The following IL15 variants were observed in gnomAD, a reference collection of about 807,000 sequenced individuals.
IL15 encodes interleukin 15.
A neutral mutation model predicts 19.6 loss-of-function variants in IL15; 11 were observed. The observed-to-expected ratio is 0.56, with a 90% CI of 0.35 to 0.93. The LOEUF is 0.93. Among genes scored for constraint, IL15 ranks in the 40% least tolerant of loss-of-function variants. The probability of loss-of-function intolerance (pLI) is 0.01; values close to 1 mark genes in which losing one functional copy is unlikely to be tolerated. For missense variants in IL15, 197 were observed against 186.5 expected (o/e 1.06, Z -0.33); for synonymous variants, 58 against 59.6 (o/e 0.97, Z 0.12).
At chr4:141,641,871 C>T (rs912994612) in intron 1 of IL15, among the ~76,000 whole-genome samples, 5 of 148,722 alleles carry the variant, frequency 3.4e-5, no homozygotes, top group African/African-American at 9.9e-5. Flanking sequence ...ATGTGGTTTT[C>T]GAGCTTCTAG....
chr4:141,653,746 T>A lies in IL15; in HGVS notation c.-221-2440T>A, dbSNP rs575866134. Among the ~76,000 whole-genome samples the A allele has an allele frequency of 2.4e-4, 37 of 152,320 alleles. No homozygotes were observed. In the South Asian group the frequency reaches 7.0e-3, roughly 29 times the overall value. ...TGATGGACATTTAGGTTTTTTCCAT[T>A]CTTTTGCTATTACAGGAAATATTCA... On this transcript the variant is annotated intron_variant, in intron 1 of 7. Coordinates refer to ENST00000320650, the MANE Select transcript of IL15 (RefSeq NM_000585.5).
chr4:141,708,073 G>C (rs1460596717), intron 2 of IL15, among the ~76,000 whole-genome samples: 1 of 152,220 alleles, frequency 6.6e-6, no homozygotes, highest in African/African-American at 2.4e-5. Flanking sequence ...CATGGGAGTA[G>C]GTTGCCACAT....
At chr4:141,678,801 C>T (rs930687757) in intron 2 of IL15, among the ~76,000 whole-genome samples, 6 of 152,172 alleles carry the variant, frequency 3.9e-5, no homozygotes, top group Non-Finnish European at 4.4e-5. Context: ...AGGGTTTCTC[C>T]GTGTTGGCCA....
In IL15 at chr4:141,732,801, T is replaced by G; in HGVS notation, c.442T>G (p.Leu148Val). Reference protein sequence around the residue: ...ELEEKNIKEFLQSFVHIVQMF... With the variant: ...ELEEKNIKEFVQSFVHIVQMF... ...GGAGGAAAAAAATATTAAAGAATTT[T>G]TGCAGAGTTTTGTACATATTGTCCA... Residue 148 changes from leucine (L) to valine (V), a missense_variant, in exon 8 of 8, where the codon TTG becomes GTG. Coordinates refer to ENST00000320650, the MANE Select transcript of IL15 (RefSeq NM_000585.5). The G allele has an allele frequency of 6.2e-7, 1 of 1,612,852 alleles. No individual in the cohort carries two copies. The highest frequency in any genetic ancestry group is 1.1e-5 in the South Asian group (1 of 90,624).
At chr4:141,661,124 G>A (rs191995773) in intron 2 of IL15, among the ~76,000 whole-genome samples, 12 of 152,272 alleles carry the variant, frequency 7.9e-5, no homozygotes, top group Non-Finnish European at 1.6e-4. Flanking sequence ...CAGAGACAGT[G>A]AGTAACCATA....
At chr4:141,644,401 T>C (rs1727152308) in intron 1 of IL15, among the ~76,000 whole-genome samples, 1 of 152,188 alleles carries the variant, frequency 6.6e-6, no homozygotes, top group African/African-American at 2.4e-5. Context: ...CCTAGGCTGC[T>C]GGAGATGAGA....
chr4:141,731,971 G>C (rs1730466916), intron 7 of IL15, among the ~76,000 whole-genome samples: 1 of 152,110 alleles, frequency 6.6e-6, no homozygotes, highest in African/African-American at 2.4e-5. Flanking sequence ...TCAACCAATG[G>C]GTGATTACAG....
In IL15 at chr4:141,732,824, C is replaced by T; in HGVS notation, c.465C>T (p.Val155=). 6.2e-7 allele frequency: 1 copy of T among 1,609,360 alleles called. No individual in the cohort carries two copies. The highest frequency in any genetic ancestry group is 2.2e-5 in the East Asian group (1 of 44,606). ...KEFLQSFVHI[V]QMFINTS ...TTTTGCAGAGTTTTGTACATATTGT[C>T]CAAATGTTCATCAACACTTCTTGAT... is the stretch of plus-strand genomic sequence containing the variant. Residue 155 remains valine, a synonymous_variant, in exon 8 of 8, where the codon GTC becomes GTT. Coordinates refer to ENST00000320650, the MANE Select transcript of IL15 (RefSeq NM_000585.5).
chr4:141,673,922 A>G (rs1192803072), intron 2 of IL15, among the ~76,000 whole-genome samples: 2 of 152,192 alleles, frequency 1.3e-5, no homozygotes, highest in Admixed American at 1.3e-4. Flanking sequence ...TCTATGAATT[A>G]TTTGGACCAG....
chr4:141,661,912 C>T (rs187064225), intron 2 of IL15, among the ~76,000 whole-genome samples: 117 of 152,218 alleles, frequency 7.7e-4, no homozygotes, highest in African/African-American at 2.7e-3. Flanking sequence ...ATGTCTTACC[C>T]GTCATACCTT....
chr4:141,668,752 A>G (rs1171380117), intron 2 of IL15, among the ~76,000 whole-genome samples: 1 of 152,194 alleles, frequency 6.6e-6, no homozygotes, highest in African/African-American at 2.4e-5. Context: ...CTCCATTGAC[A>G]AATCATATTT....
chr4:141,661,676 C>T (rs1284571412), intron 2 of IL15, among the ~76,000 whole-genome samples: 1 of 152,108 alleles, frequency 6.6e-6, no homozygotes, highest in Non-Finnish European at 1.5e-5. Context: ...ACATTCTTCC[C>T]CTTTTCTCTG....
intron 2 of IL15, among the ~76,000 whole-genome samples, chr4:141,682,282 A>T (rs999993371): frequency 6.6e-6 from 1 of 152,336 alleles, no homozygotes; most frequent in East Asian, 1.9e-4. Flanking sequence ...TCCTTAAATT[A>T]AAATTTGTAA....
At chr4:141,686,340 A>G (rs1728712570) in intron 2 of IL15, among the ~76,000 whole-genome samples, 1 of 151,844 alleles carries the variant, frequency 6.6e-6, no homozygotes, top group Admixed American at 6.6e-5. Flanking sequence ...AAATAAATAA[A>G]AGGTGGGAGG....
chr4:141,686,758 T>C (rs567570725), intron 2 of IL15, among the ~76,000 whole-genome samples: 20 of 152,328 alleles, frequency 1.3e-4, no homozygotes, highest in African/African-American at 4.8e-4. Context: ...TTTAAAGGTA[T>C]GTCTGTAGAG....
At chr4:141,708,691 T>C (rs1359805299) in intron 2 of IL15, among the ~76,000 whole-genome samples, 1 of 152,136 alleles carries the variant, frequency 6.6e-6, no homozygotes, top group Non-Finnish European at 1.5e-5. Context: ...TGCTCTCCTC[T>C]CTATGGTGCT....
chr4:141,703,192 C>T (rs138050828), intron 2 of IL15, among the ~76,000 whole-genome samples: 27 of 152,160 alleles, frequency 1.8e-4, no homozygotes, highest in African/African-American at 5.3e-4. Context: ...GCAGAAATAG[C>T]AAGCATGACT....
At chr4:141,690,371 C>T (rs1252614946) in intron 2 of IL15, among the ~76,000 whole-genome samples, 2 of 152,146 alleles carry the variant, frequency 1.3e-5, no homozygotes, top group East Asian at 1.9e-4. Flanking sequence ...GCAGAGGAGT[C>T]GCCGAGAGCG....
intron 2 of IL15, among the ~76,000 whole-genome samples, chr4:141,712,821 T>C (rs1424442426): frequency 6.6e-6 from 1 of 151,738 alleles, no homozygotes; most frequent in East Asian, 1.9e-4. Flanking sequence ...TGGAAACATT[T>C]CAATATAATT....
Sources: allele counts gnomAD v4.1 joint callset (sites outside exome capture counted in the v4.1 genomes callset), GRCh38; gene constraint gnomAD v4.1.1; transcripts MANE v1.5; gene names NCBI Gene and HGNC (gene_info 2026-07-23, HGNC 2026-07-21).